ZFYVE26: variants seen among roughly 807,000 people sequenced by gnomAD.
ZFYVE26 encodes the protein zinc finger FYVE-type containing 26.
A neutral mutation model predicts 276.5 loss-of-function variants in ZFYVE26; 181 were observed. The observed-to-expected ratio is 0.65, with a 90% confidence interval of 0.58 to 0.74. The LOEUF (loss-of-function observed/expected upper bound fraction) is 0.74. ZFYVE26 is among the 30% of genes least tolerant of loss of function. The pLI is 0.00. For missense variants in ZFYVE26, 2,821 were observed against 3,097.9 expected (o/e 0.91, Z 2.12); for synonymous variants, 1,129 against 1,203.1 (o/e 0.94, Z 1.27).
intron 6 of ZFYVE26, 74 bp from the exon 7 acceptor site, chr14:67,805,692 GAGAA>G (rs1382264054): frequency 2.0e-6 from 3 of 1,528,934 alleles, no homozygotes; most frequent in East Asian, 2.2e-5. Context: ...CTGCTCTTTA[GAGAA>G]AGAAGTATTT....
At chr14:67,784,459 C>G in intron 19 of ZFYVE26, 23 bp from the exon 20 acceptor site, 12 of 1,603,740 alleles carry the variant, frequency 7.5e-6, no homozygotes, top group Non-Finnish European at 1.0e-5. Context: ...AGAACATGAT[C>G]TTTGTTTGCA....
intron 5 of ZFYVE26, 92 bp from the exon 6 acceptor site, chr14:67,806,767 G>C (rs2040189669): frequency 3.3e-6 from 5 of 1,526,076 alleles, no homozygotes; most frequent in Non-Finnish European, 3.6e-6. Flanking sequence ...GTGAGAGTTT[G>C]CTCTTTTAAA....
At chr14:67,730,551 C>T (rs1365150361) in intron 13 of ZFYVE26, among the ~76,000 whole-genome samples, 3 of 152,100 alleles carry the variant, frequency 2.0e-5, no homozygotes, top group Admixed American at 6.6e-5. Flanking sequence ...CTGGTAAGTA[C>T]AATGCAAATA....
chr14:67,778,085 G>A (rs199603800), intron 24 of ZFYVE26, 41 bp downstream of exon 24: 720 of 1,613,800 alleles, frequency 4.5e-4, no homozygotes, highest in Non-Finnish European at 5.9e-4. Flanking sequence ...TAAACTTCTT[G>A]TCCCACCCCA....
chr14:67,773,706 G>C (rs1167169888), intron 27 of ZFYVE26, among the ~76,000 whole-genome samples: 1 of 152,136 alleles, frequency 6.6e-6, no homozygotes, highest in Non-Finnish European at 1.5e-5. Context: ...AATTCTCAAA[G>C]TATGGCCAGA....
intron 25 of ZFYVE26, 94 bp from the exon 26 acceptor site, chr14:67,776,200 G>C: frequency 6.4e-7 from 1 of 1,566,594 alleles, no homozygotes; most frequent in Non-Finnish European, 8.7e-7. Flanking sequence ...GGGTGCATGA[G>C]AACAAAAGGT....
In ZFYVE26 at chr14:67,752,428, G is replaced by C; in HGVS notation, c.7287C>G (p.Val2429=). ...TTTTGGCTGCCATGCCTGACTCACTGACACATTTGAGCAGTTGCTGGATCT... is the reference window on the plus strand; with the variant it reads ...TTTTGGCTGCCATGCCTGACTCACTCACACATTTGAGCAGTTGCTGGATCT... The part of the protein sequence containing the change: ...YSEIQQLLKC[V]SESGMAAKSD... The change falls in exon 40 of 42, where the codon GTC becomes GTG. Residue 2429 remains valine, a synonymous_variant. Transcript: ENST00000347230. The C allele has an allele frequency of 6.2e-7, 1 of 1,613,956 alleles. No individual in the cohort carries two copies. Among genetic ancestry groups the C allele is most frequent in the Non-Finnish European group, 8.5e-7 (1 of 1,179,960 alleles).
At chr14:67,729,069 T>C (rs2038229428) in intron 14 of ZFYVE26, 1 of 1,009,784 alleles carries the variant, frequency 9.9e-7, no homozygotes, top group Non-Finnish European at 1.6e-6. Flanking sequence ...TGGTACCTGC[T>C]GAATCCTGGG....
rs185298436 is a variant in ZFYVE26, at chr14:67,816,097, A to G, written c.-83-51T>C. Reference sequence around the variant, plus strand: ...AAGAAACAGAAGGCACTGTATTAAGACAAAGCAGCAACTACTGGTCCGCCT... The same window carrying G: ...AAGAAACAGAAGGCACTGTATTAAGGCAAAGCAGCAACTACTGGTCCGCCT... On this transcript the variant is annotated intron_variant, in intron 1 of 41. Coordinates refer to ENST00000347230, the MANE Select transcript of ZFYVE26 (RefSeq NM_015346.4). The G allele has an allele frequency of 2.8e-4, 199 of 705,994 alleles. 1 individual carries two copies. In the East Asian group the frequency reaches 5.0e-3, roughly 18 times the overall value. 43.7% of individuals were successfully genotyped at this position (705,994 alleles called of 1,614,324 possible). A position where few individuals can be genotyped will look rare whatever the true frequency, so the allele number is the denominator to read the frequency against.
chr14:67,783,280 G>A lies in ZFYVE26; in HGVS notation c.3872C>T (p.Ser1291Phe). 4 of 1,613,752 alleles carry A rather than the reference G, an allele frequency of 2.5e-6. No individual in the cohort carries two copies. The highest frequency in any genetic ancestry group is 1.7e-6 in the Non-Finnish European group (2 of 1,179,694). The change falls in exon 21 of 42, where the codon TCC becomes TTC. Residue 1291 changes from serine to phenylalanine, a missense_variant. Transcript: ENST00000347230. ...NPTLERKPYS[S>F]PRDSSLPALT... The stretch of plus-strand genomic sequence containing the variant: ...GGCTGGGAGTGATGAGTCCCTTGGG[G>A]AGGAGTAGGGCTTTCTTTCCAATGT...
chr14:67,787,104 C>T (rs573678055), intron 16 of ZFYVE26, among the ~76,000 whole-genome samples: 130 of 152,084 alleles, frequency 8.5e-4, no homozygotes, highest in African/African-American at 2.9e-3. Flanking sequence ...AGTTAGAGGC[C>T]GGGTGTGGTG....
chr14:67,767,330 G>A (rs2039085544), intron 31 of ZFYVE26, among the ~76,000 whole-genome samples: 2 of 152,024 alleles, frequency 1.3e-5, no homozygotes, highest in Non-Finnish European at 1.5e-5. Context: ...AAATTAAAGA[G>A]CTTCCACTTC....
chr14:67,816,115 G>C (rs1311930362), intron 1 of ZFYVE26, 69 bp from the exon 2 acceptor site: 1 of 622,564 alleles, frequency 1.6e-6, no homozygotes, highest in African/African-American at 1.8e-5. Context: ...GCAACTACTG[G>C]TCCGCCTGGG....
intron 6 of ZFYVE26, among the ~76,000 whole-genome samples, chr14:67,806,264 C>T (rs1333113514): frequency 1.3e-5 from 2 of 152,188 alleles, no homozygotes; most frequent in African/African-American, 4.8e-5. Context: ...CATATTGTTG[C>T]CACTGCCTTT....
Position 67,785,252 on chromosome 14 carries a change from G to A in ZFYVE26, c.3330C>T (p.Ser1110=). The A allele has an allele frequency of 6.2e-7, 1 of 1,610,170 alleles. No individual in the cohort carries two copies. The highest frequency in any genetic ancestry group is 8.5e-7 in the Non-Finnish European group (1 of 1,178,032). ...LPEPRTPPLS[S]LVEQAAQKAP... ...CTTTCTGGGCTGCCTGCTCCACCAG[G>A]GAAGACAGTGGAGGAGTCCTGGGCT... Residue 1110 remains serine, a synonymous_variant, in exon 19 of 42, where the codon TCC becomes TCT. Transcript: ENST00000347230.
At chr14:67,753,993 T>G in intron 38 of ZFYVE26, 78 bp downstream of exon 38, 1 of 1,608,178 alleles carries the variant, frequency 6.2e-7, no homozygotes, top group Non-Finnish European at 8.5e-7. Flanking sequence ...ACTGAAATAA[T>G]CACTAGACAA....
chr14:67,756,337 A>C, intron 35 of ZFYVE26, 192 bp from the exon 36 acceptor site: 1 of 669,986 alleles, frequency 1.5e-6, no homozygotes. Flanking sequence ...CCTTCCTTTT[A>C]CAGAGAAGCC....
intron 32 of ZFYVE26, among the ~76,000 whole-genome samples, chr14:67,763,814 G>A (rs922093866): frequency 1.3e-5 from 2 of 152,210 alleles, no homozygotes; most frequent in African/African-American, 4.8e-5. Context: ...ATGCTCAGGG[G>A]TATTTGAGGC....
intron 13 of ZFYVE26, among the ~76,000 whole-genome samples, chr14:67,739,945 T>G (rs920715564): frequency 1.3e-5 from 2 of 152,184 alleles, no homozygotes; most frequent in Non-Finnish European, 2.9e-5. Flanking sequence ...TAATAAAAGT[T>G]TATTTCTCGC....
Sources: gnomAD v4.1 joint callset for allele counts (sites outside exome capture counted in the v4.1 genomes callset) on GRCh38, gnomAD v4.1.1 for gene constraint, MANE v1.5 for transcripts, NCBI Gene and HGNC (gene_info 2026-07-23, HGNC 2026-07-21) for gene names.